The following CTSE variants were observed in gnomAD, a reference collection of about 807,000 sequenced individuals.
The protein encoded by CTSE is erythrocyte membrane aspartic proteinase.
In CTSE, 43 loss-of-function variants were observed where a neutral mutation model predicts 42.8. The ratio of observed to expected loss-of-function variants is 1.01; its 90% confidence interval spans 0.79 to 1.30. The LOEUF is 1.30. CTSE is among the 50% of genes most tolerant of loss of function. The probability of loss-of-function intolerance (pLI) is 0.00; values close to 1 mark genes in which losing one functional copy is unlikely to be tolerated. For synonymous variants in CTSE, 205 were observed against 191.5 expected (o/e 1.07, Z -0.58); for missense variants, 532 against 493.5 (o/e 1.08, Z -0.74).
At chr1:206,019,349 G>A (rs1257811598) in intron 4 of CTSE, among the ~76,000 whole-genome samples, 2 of 152,010 alleles carry the variant, frequency 1.3e-5, no homozygotes, top group Admixed American at 6.6e-5. Flanking sequence ...GAGGGTGAGG[G>A]TGGACTGGAA....
chr1:206,016,247 C>T, intron 4 of CTSE, 117 bp from the exon 5 acceptor site: 2 of 931,452 alleles, frequency 2.1e-6, no homozygotes, highest in Non-Finnish European at 3.4e-6. Flanking sequence ...CCCAACTTTC[C>T]TTGACTAAAT....
rs1004174828 is a variant in CTSE, at chr1:206,011,258, G to T, written c.1027-911C>A. 4.7e-4 allele frequency among the ~76,000 whole-genome samples: 72 copies of T among 151,920 alleles called. 1 individual carries two copies. The highest frequency in any genetic ancestry group is 1.7e-3 in the African/African-American group (70 of 41,382). On this transcript the variant is annotated intron_variant, in intron 8 of 8. Transcript: ENST00000358184. ...TTCTAAAAGAACCACTCACCATACC[G>T]GGAAAGAACCACGCACCTCCCCTCC...
rs1036783980 is a variant in CTSE, at chr1:206,012,407, C to A, written c.928-1G>T. 4 of 1,613,800 alleles carry A rather than the reference C, an allele frequency of 2.5e-6. No homozygotes were observed. In the African/African-American group the frequency reaches 4.0e-5, roughly 16 times the overall value. On this transcript the variant is annotated splice_acceptor_variant, in intron 7 of 8. Coordinates refer to ENST00000358184, the MANE Select transcript of CTSE (RefSeq NM_001910.4). LOFTEE classifies it high-confidence loss of function. ...TAAGGTTGGCACACTCCACAGCATA[C>A]TAAAACCCAATACGGAGGATCCGTT...
intron 4 of CTSE, among the ~76,000 whole-genome samples, chr1:206,018,295 A>G (rs1553277921): frequency 2.0e-5 from 3 of 152,026 alleles, no homozygotes; most frequent in African/African-American, 7.2e-5. Context: ...TGATCTTTTT[A>G]TATACCAAAA....
Position 206,020,883 on chromosome 1 carries a change from C to T in CTSE, c.462+166G>A, listed in dbSNP as rs558112957. Among the ~76,000 whole-genome samples the T allele has an allele frequency of 9.9e-5, 15 of 152,152 alleles. 1 individual carries two copies. The South Asian group carries it at 2.3e-3, about 23-fold the overall frequency. ...GGGCCCAGCGTGCTGTGGAGACTGACCCACTGCCACCATCTCAGGTGGGGA... is the reference window on the plus strand; with the variant it reads ...GGGCCCAGCGTGCTGTGGAGACTGATCCACTGCCACCATCTCAGGTGGGGA... On this transcript the variant is annotated intron_variant, in intron 4 of 8. Coordinates refer to ENST00000358184, the MANE Select transcript of CTSE (RefSeq NM_001910.4).
At chr1:206,018,949 G>A (rs1181504583) in intron 4 of CTSE, among the ~76,000 whole-genome samples, 2 of 151,722 alleles carry the variant, frequency 1.3e-5, no homozygotes, top group Non-Finnish European at 2.9e-5. Flanking sequence ...GTTTGTTTAC[G>A]GTTTGCTCAT....
intron 4 of CTSE, among the ~76,000 whole-genome samples, chr1:206,019,096 A>G (rs1443084199): frequency 3.9e-5 from 6 of 152,098 alleles, no homozygotes; most frequent in African/African-American, 9.7e-5. Flanking sequence ...CACATGTCAT[A>G]TCTTTATTAT....
chr1:206,019,827 T>A (rs1175711891), intron 4 of CTSE, among the ~76,000 whole-genome samples: 1 of 133,838 alleles, frequency 7.5e-6, no homozygotes, highest in African/African-American at 2.7e-5. Context: ...TATATTATGT[T>A]AATCTATTAT....
At chr1:206,022,090 G>T in intron 3 of CTSE, 60 bp downstream of exon 3, 1 of 1,200,452 alleles carries the variant, frequency 8.3e-7, no homozygotes, top group Non-Finnish European at 1.2e-6. Flanking sequence ...AGAGTACCAG[G>T]CTTGGCCTCC....
Position 206,012,408 on chromosome 1 carries a change from T to G in CTSE, c.928-2A>C. 2 of 1,613,914 alleles carry G rather than the reference T, an allele frequency of 1.2e-6. No individual in the cohort carries two copies. Among genetic ancestry groups the G allele is most frequent in the South Asian group, 2.2e-5 (2 of 91,076 alleles). On this transcript the variant is annotated splice_acceptor_variant, in intron 7 of 8. Coordinates refer to ENST00000358184, the MANE Select transcript of CTSE (RefSeq NM_001910.4). LOFTEE classifies it high-confidence loss of function. ...AAGGTTGGCACACTCCACAGCATAC[T>G]AAAACCCAATACGGAGGATCCGTTT...
chr1:206,014,348 A>G (rs1423823414), intron 5 of CTSE, among the ~76,000 whole-genome samples: 1 of 152,094 alleles, frequency 6.6e-6, no homozygotes, highest in African/African-American at 2.4e-5. Context: ...TGAATGTATC[A>G]TGACTTACTA....
At chr1:206,016,910 A>G (rs1042379737) in intron 4 of CTSE, among the ~76,000 whole-genome samples, 1 of 152,168 alleles carries the variant, frequency 6.6e-6, no homozygotes, top group East Asian at 1.9e-4. Context: ...TATAAATGTT[A>G]GAATCAGTTT....
rs781931827 is a variant in CTSE, at chr1:206,022,148, A to T, written c.343+2T>A. 23 of 1,576,564 alleles carry T rather than the reference A, an allele frequency of 1.5e-5. 1 individual carries two copies. Among genetic ancestry groups the T allele is most frequent in the Admixed American group, 6.9e-5 (4 of 57,874 alleles). ...TCTGCTGGTGCTCCTGGCCCCACTT[A>T]CTGCAGGCTGGGCTAGTGCAGTACA... On this transcript the variant is annotated splice_donor_variant, in intron 3 of 8. Transcript: ENST00000358184. LOFTEE classifies it high-confidence loss of function.
intron 5 of CTSE, among the ~76,000 whole-genome samples, chr1:206,015,618 C>G (rs1661239310): frequency 6.6e-6 from 1 of 151,958 alleles, no homozygotes; most frequent in South Asian, 2.1e-4. Context: ...TTCACTGGGT[C>G]CCCAGTGTGA....
intron 4 of CTSE, 96 bp from the exon 5 acceptor site, chr1:206,016,226 T>C (rs556705043): frequency 8.8e-7 from 1 of 1,131,236 alleles, no homozygotes; most frequent in African/African-American, 1.5e-5. Context: ...TTGAAGCTAA[T>C]GCCTCTCCTT....
rs782393929 is a variant in CTSE at position 206,021,004 on chromosome 1, C to T, written c.462+45G>A. ...AATGTAAGACCTCTGAATAAGTCTC[C>T]CAAGTTTCTGTCCAAGAGAGAAAAA... On this transcript the variant is annotated intron_variant, in intron 4 of 8. Transcript: ENST00000358184. The T allele has an allele frequency of 6.4e-6, 9 of 1,398,018 alleles. No individual in the cohort carries two copies. The East Asian group carries it at 2.0e-4, about 32-fold the overall frequency. The allele number at this position is 1,398,018 out of a possible 1,614,324, so 86.6% of individuals were successfully genotyped here.
Position 206,016,019 on chromosome 1 carries a change from A to T in CTSE, c.574T>A (p.Leu192Met). 1 of 1,613,856 alleles carries T rather than the reference A, an allele frequency of 6.2e-7. No homozygotes were observed. The highest frequency in any genetic ancestry group is 8.5e-7 in the Non-Finnish European group (1 of 1,179,826). The part of the protein sequence containing the change: ...DGILGLGYPS[L>M]AVGGVTPVFD... Reference sequence around the variant, plus strand: ...ACTGGAGTCACTCCTCCCACAGCCAAGGAGGGGTATCCCAGGCCCAGAATT... The same window carrying T: ...ACTGGAGTCACTCCTCCCACAGCCATGGAGGGGTATCCCAGGCCCAGAATT... The change falls in exon 5 of 9, where the codon TTG (leucine) becomes ATG (methionine). Residue 192 changes from leucine (L) to methionine (M), a missense_variant. Leu to Met is a conservative substitution (Grantham distance 15, BLOSUM62 2). Transcript: ENST00000358184.
intron 6 of CTSE, 125 bp from the exon 7 acceptor site, chr1:206,012,774 C>T: frequency 9.1e-7 from 1 of 1,100,452 alleles, no homozygotes; most frequent in South Asian, 1.5e-5. Flanking sequence ...ATGAGTGTTC[C>T]TCAATTGTTT....
chr1:206,020,206 G>A (rs1031748628), intron 4 of CTSE, among the ~76,000 whole-genome samples: 3 of 149,122 alleles, frequency 2.0e-5, no homozygotes, highest in Non-Finnish European at 4.4e-5. Context: ...TATGTAATGT[G>A]TGTATACACA....
Sources: allele counts gnomAD v4.1 joint callset (sites outside exome capture counted in the v4.1 genomes callset), GRCh38; gene constraint gnomAD v4.1.1; transcripts MANE v1.5; gene names NCBI Gene and HGNC (gene_info 2026-07-23, HGNC 2026-07-21).